Variants in RSPO2 observed in about 807,000 individuals in gnomAD.
RSPO2 encodes the protein R-spondin-2.
A neutral mutation model predicts 30.9 loss-of-function variants in RSPO2; 14 were observed. That is an observed-to-expected ratio of 0.45 (90% CI 0.30 to 0.71). The LOEUF (loss-of-function observed/expected upper bound fraction) is 0.71, where lower values mean the gene tolerates loss of function less well. Ranked by LOEUF, RSPO2 falls within the 30% of genes least tolerant of loss-of-function variation. RSPO2 has a pLI of 0.08. For synonymous variants in RSPO2, 107 were observed against 96.4 expected (o/e 1.11, Z -0.64); for missense variants, 264 against 301.9 (o/e 0.87, Z 0.93).
intron 3 of RSPO2, among the ~76,000 whole-genome samples, chr8:107,978,225 T>G (rs1421150258): frequency 2.0e-5 from 3 of 151,940 alleles, no homozygotes; most frequent in South Asian, 2.1e-4. Context: ...GTCAGGAGTT[T>G]GAGACCAGCC....
intron 5 of RSPO2, among the ~76,000 whole-genome samples, chr8:107,903,023 T>A (rs910403107): frequency 3.3e-5 from 5 of 151,986 alleles, no homozygotes; most frequent in Admixed American, 3.3e-4. Context: ...AGTAACATTA[T>A]CTCTAATGAT....
chr8:108,010,202 T>G (rs1810656005), intron 2 of RSPO2, among the ~76,000 whole-genome samples: 1 of 151,988 alleles, frequency 6.6e-6, no homozygotes, highest in Non-Finnish European at 1.5e-5. Flanking sequence ...CTTAGACAAA[T>G]AAAGACCCCA....
In RSPO2 at chr8:108,010,622, C is replaced by G. The variant is rs563358743; in HGVS notation, c.95-21378G>C. 1.8e-4 allele frequency among the ~76,000 whole-genome samples: 28 copies of G among 152,202 alleles called. No individual in the cohort carries two copies. In the Middle Eastern group the frequency reaches 0.01, roughly 55 times the overall value. ...AGAGCCTGGACACATGAACAGAGCC[C>G]TCATGAATGTGTGATATGCAGGGGT... On this transcript the variant is annotated intron_variant, in intron 2 of 5. Coordinates refer to ENST00000276659, the MANE Select transcript of RSPO2 (RefSeq NM_178565.5).
chr8:108,076,216 G>A (rs111580099), intron 2 of RSPO2, among the ~76,000 whole-genome samples: 95 of 152,334 alleles, frequency 6.2e-4, no homozygotes, highest in African/African-American at 2.1e-3. Flanking sequence ...AGCCAAGTGT[G>A]CTTTCAAGGT....
At chr8:107,926,671 G>A (rs1098815) in intron 5 of RSPO2, among the ~76,000 whole-genome samples, 86,275 of 151,850 alleles carry the variant, frequency 0.57, 25,826 homozygotes, top group East Asian at 0.74. Flanking sequence ...CCCATTGCTT[G>A]TTTTTCTCAG....
At chr8:108,058,879 T>C (rs1013336899) in intron 2 of RSPO2, among the ~76,000 whole-genome samples, 4 of 151,612 alleles carry the variant, frequency 2.6e-5, no homozygotes, top group South Asian at 4.1e-4. Flanking sequence ...ACATTAGACC[T>C]AAAACCATAA....
intron 5 of RSPO2, among the ~76,000 whole-genome samples, chr8:107,948,866 A>ATAAATAAATAAATAAATAAAT (rs55680371): frequency 1.4e-5 from 2 of 145,798 alleles, no homozygotes; most frequent in South Asian, 4.4e-4. Flanking sequence ...TCTCAAAAAA[A>ATAAATAAATAAATAAATAAAT]AAATAAATAA....
chr8:107,908,566 A>T (rs1213586515), intron 5 of RSPO2, among the ~76,000 whole-genome samples: 1 of 152,160 alleles, frequency 6.6e-6, no homozygotes, highest in Non-Finnish European at 1.5e-5. Context: ...TGGTTAAGAG[A>T]TGGTTTTTTA....
chr8:107,901,657 A>G (rs1811470428), intron 5 of RSPO2, among the ~76,000 whole-genome samples: 1 of 152,258 alleles, frequency 6.6e-6, no homozygotes, highest in East Asian at 1.9e-4. Context: ...CTTGCTTTTA[A>G]CATTATTTCC....
At chr8:108,010,586 C>G (rs1238435856) in intron 2 of RSPO2, among the ~76,000 whole-genome samples, 1 of 152,084 alleles carries the variant, frequency 6.6e-6, no homozygotes, top group Non-Finnish European at 1.5e-5. Flanking sequence ...ACAGTCAGGA[C>G]AGAGATGCAG....
intron 5 of RSPO2, among the ~76,000 whole-genome samples, chr8:107,918,969 G>GT (rs1812068457): frequency 1.3e-5 from 2 of 152,070 alleles, no homozygotes; most frequent in Non-Finnish European, 2.9e-5. Flanking sequence ...CAAAACTAAT[G>GT]TTTTCAAATA....
intron 2 of RSPO2, among the ~76,000 whole-genome samples, chr8:108,052,195 T>C (rs2130681339): frequency 6.6e-6 from 1 of 152,328 alleles, no homozygotes; most frequent in East Asian, 1.9e-4. Context: ...CATGTTTCTA[T>C]GAACTGATTA....
intron 5 of RSPO2, among the ~76,000 whole-genome samples, chr8:107,949,900 T>C (rs1490783043): frequency 6.6e-6 from 1 of 152,220 alleles, no homozygotes; most frequent in African/African-American, 2.4e-5. Flanking sequence ...GTATTACTCA[T>C]GCCACTATTG....
chr8:107,995,599 A>G (rs1430551736), intron 2 of RSPO2, among the ~76,000 whole-genome samples: 1 of 152,148 alleles, frequency 6.6e-6, no homozygotes, highest in Non-Finnish European at 1.5e-5. Flanking sequence ...GCTTTTATGA[A>G]GACCACAACC....
At chr8:108,024,124 T>C (rs1234046090) in intron 2 of RSPO2, among the ~76,000 whole-genome samples, 1 of 116,730 alleles carries the variant, frequency 8.6e-6, no homozygotes, top group East Asian at 2.0e-4. Context: ...TAAAAGAGGG[T>C]ACTTACAAAG....
intron 3 of RSPO2, among the ~76,000 whole-genome samples, chr8:107,965,387 C>T (rs1029503451): frequency 6.6e-6 from 1 of 152,074 alleles, no homozygotes; most frequent in Admixed American, 6.6e-5. Context: ...CTTACAGTAC[C>T]CCGTACGGGC....
chr8:108,003,030 C>A, intron 2 of RSPO2, among the ~76,000 whole-genome samples: 1 of 149,562 alleles, frequency 6.7e-6, no homozygotes. Context: ...TCCAGACTTG[C>A]ACAGAATTTA....
chr8:107,940,992 G>A (rs1328497508), intron 5 of RSPO2, among the ~76,000 whole-genome samples: 1 of 151,874 alleles, frequency 6.6e-6, no homozygotes, highest in Non-Finnish European at 1.5e-5. Flanking sequence ...AATCTCTGTT[G>A]TAGCAGTTTA....
intron 5 of RSPO2, among the ~76,000 whole-genome samples, chr8:107,925,702 G>A (rs1387665901): frequency 6.6e-6 from 1 of 151,998 alleles, no homozygotes; most frequent in Non-Finnish European, 1.5e-5. Context: ...ATGGTTTCCA[G>A]CTTCATCCAT....
Sources: allele counts gnomAD v4.1 joint callset (sites outside exome capture counted in the v4.1 genomes callset), GRCh38; gene constraint gnomAD v4.1.1; transcripts MANE v1.5; gene names NCBI Gene and HGNC (gene_info 2026-07-23, HGNC 2026-07-21).